NEMP1: variants seen among roughly 807,000 people sequenced by gnomAD.
The protein encoded by NEMP1 is nuclear envelope integral membrane protein 1, also known as transmembrane protein 194.
In NEMP1, 29 loss-of-function variants were observed where a neutral mutation model predicts 53.7. That is an observed-to-expected ratio of 0.54 (90% confidence interval 0.40 to 0.74). The LOEUF (loss-of-function observed/expected upper bound fraction) is 0.74. Among genes scored for constraint, NEMP1 ranks in the 30% least tolerant of loss-of-function variants. The pLI is 0.00. For missense variants in NEMP1, 477 were observed against 528.6 expected (o/e 0.90, Z 0.96); for synonymous variants, 193 against 192.9 (o/e 1.00, Z 0.00).
chr12:57,069,301 C>G lies in NEMP1; in HGVS notation c.478G>C (p.Asp160His). The G allele has an allele frequency of 6.5e-7, 1 of 1,541,898 alleles. No individual in the cohort carries two copies. Among genetic ancestry groups the G allele is most frequent in the Non-Finnish European group, 8.7e-7 (1 of 1,143,768 alleles). ...AGGAAAACAAGAAAGAGTTTGGGATCAAATCCTGAAATAAATAAAGATTTT... is the reference window on the plus strand; with the variant it reads ...AGGAAAACAAGAAAGAGTTTGGGATGAAATCCTGAAATAAATAAAGATTTT... Reference protein sequence around the residue: ...KYSVIVIRRFDPKLFLVFLLG... With the variant: ...KYSVIVIRRFHPKLFLVFLLG... The change falls in exon 4 of 9, where the codon GAT becomes CAT. Residue 160 changes from aspartate (D) to histidine (H), a missense_variant. Transcript: ENST00000300128.
At chr12:57,073,313 G>A (rs979879278) in intron 1 of NEMP1, among the ~76,000 whole-genome samples, 10 of 151,736 alleles carry the variant, frequency 6.6e-5, no homozygotes, top group African/African-American at 1.9e-4. Flanking sequence ...CACCGTGCCC[G>A]GCTAATTTTT....
At chr12:57,062,674 A>G (rs1217323820) in intron 7 of NEMP1, among the ~76,000 whole-genome samples, 2 of 151,526 alleles carry the variant, frequency 1.3e-5, no homozygotes, top group Non-Finnish European at 2.9e-5. Context: ...AACATGGGGA[A>G]CCCTACTAAA....
At chr12:57,081,963 A>G (rs567110210), upstream of NEMP1, among the ~76,000 whole-genome samples, 7 of 151,448 alleles carry the variant, frequency 4.6e-5, no homozygotes, top group African/African-American at 1.2e-4. Context: ...TCACGCCTGT[A>G]ATCCCAGCAC....
intron 1 of NEMP1, among the ~76,000 whole-genome samples, chr12:57,073,548 G>A (rs2032457197): frequency 1.3e-5 from 2 of 152,126 alleles, no homozygotes; most frequent in African/African-American, 4.8e-5. Context: ...AGAGGCTGAG[G>A]CAGGAGAATC....
At chr12:57,086,816 G>C (rs1346790347) in intron 1 of NEMP1, among the ~76,000 whole-genome samples, 1 of 152,208 alleles carries the variant, frequency 6.6e-6, no homozygotes, top group South Asian at 2.1e-4. Flanking sequence ...GAGGAACACA[G>C]ATATACAAGT....
Position 57,063,164 on chromosome 12 carries a change from G to A in NEMP1, c.935C>T (p.Thr312Ile), listed in dbSNP as rs767584140. 2 of 1,614,014 alleles carry A rather than the reference G, an allele frequency of 1.2e-6. No individual in the cohort carries two copies. Among genetic ancestry groups the A allele is most frequent in the Non-Finnish European group, 1.7e-6 (2 of 1,180,028 alleles). The change falls in exon 7 of 9, where the codon ACT (threonine) becomes ATT (isoleucine). Residue 312 changes from threonine (T) to isoleucine (I), a missense_variant. By Grantham distance (89) the Thr-to-Ile change is moderately conservative. Coordinates refer to ENST00000300128, the MANE Select transcript of NEMP1 (RefSeq NM_001130963.2). ...CTGAATAGGGTGTTCCAGGTTCTTAGTACAAAGAGCAATGATGATAATGGC... is the reference window on the plus strand; with the variant it reads ...CTGAATAGGGTGTTCCAGGTTCTTAATACAAAGAGCAATGATGATAATGGC... Reference protein sequence around the residue: ...ALAIIIIALCTKNLEHPIQWL... With the variant: ...ALAIIIIALCIKNLEHPIQWL...
In NEMP1 at chr12:57,063,433, A is replaced by C. The variant is rs541452671; in HGVS notation, c.755-89T>G. On this transcript the variant is annotated intron_variant, in intron 6 of 8. Coordinates refer to ENST00000300128, the MANE Select transcript of NEMP1 (RefSeq NM_001130963.2). ...GGAAGCAGTAGTTAATTTACTATAT[A>C]GCACCAATTGAACTAGGAAATCAGA... 1.2e-4 allele frequency: 115 copies of C among 955,928 alleles called. 1 individual carries two copies. The East Asian group carries it at 1.4e-3, about 12-fold the overall frequency. The allele number at this position is 955,928 out of a possible 1,614,324, so 59.2% of individuals were successfully genotyped here. A position where few individuals can be genotyped will look rare whatever the true frequency, so the allele number is the denominator to read the frequency against.
At chr12:57,084,087 C>T (rs1474122221) in intron 1 of NEMP1, among the ~76,000 whole-genome samples, 2 of 152,196 alleles carry the variant, frequency 1.3e-5, no homozygotes, top group African/African-American at 4.8e-5. Flanking sequence ...CTCCACCTCC[C>T]GAGTAGCTGG....
intron 1 of NEMP1, among the ~76,000 whole-genome samples, chr12:57,084,288 A>T (rs1374568521): frequency 6.6e-6 from 1 of 152,064 alleles, no homozygotes; most frequent in Non-Finnish European, 1.5e-5. Flanking sequence ...TAATTTTTTT[A>T]AATTTAGGAA....
intron 1 of NEMP1, among the ~76,000 whole-genome samples, chr12:57,075,671 AG>A (rs1208509581): frequency 7.3e-5 from 11 of 151,196 alleles, no homozygotes; most frequent in Non-Finnish European, 1.0e-4. Flanking sequence ...AAAAAAAAAA[AG>A]AAAAAAAAAT....
upstream of NEMP1, among the ~76,000 whole-genome samples, chr12:57,080,870 G>A (rs1004861769): frequency 3.4e-5 from 5 of 148,944 alleles, no homozygotes; most frequent in Non-Finnish European, 7.4e-5. Context: ...CAGCCTGGGT[G>A]ACAGAGCGAG....
At chr12:57,077,939 G>A (rs993743543) in intron 1 of NEMP1, among the ~76,000 whole-genome samples, 3 of 152,022 alleles carry the variant, frequency 2.0e-5, no homozygotes, top group Non-Finnish European at 2.9e-5. Flanking sequence ...AAAATTAGCC[G>A]GGCGCGGTGG....
At chr12:57,073,047 A>T in intron 1 of NEMP1, 135 bp from the exon 2 acceptor site, 1 of 684,554 alleles carries the variant, frequency 1.5e-6, no homozygotes, top group East Asian at 2.9e-5. Flanking sequence ...ATAAGAAAAA[A>T]AACTGAGAAG....
upstream of NEMP1, among the ~76,000 whole-genome samples, chr12:57,083,655 G>C (rs755010413): frequency 6.6e-6 from 1 of 152,218 alleles, no homozygotes; most frequent in Non-Finnish European, 1.5e-5. Flanking sequence ...TCATACTGTG[G>C]TAAGTGAAAG....
chr12:57,070,965 T>A, intron 2 of NEMP1, 72 bp from the exon 3 acceptor site: 2 of 1,294,418 alleles, frequency 1.5e-6, no homozygotes, highest in Non-Finnish European at 2.2e-6. Flanking sequence ...TACAATTTTT[T>A]AAAAAACCCT....
At chr12:57,068,111 T>A (rs1258591541) in intron 4 of NEMP1, among the ~76,000 whole-genome samples, 3 of 152,146 alleles carry the variant, frequency 2.0e-5, no homozygotes, top group Middle Eastern at 6.8e-3. Flanking sequence ...CCTCCCTGTT[T>A]CTCTCAGCAT....
chr12:57,077,220 T>C (rs1213761301), intron 1 of NEMP1, among the ~76,000 whole-genome samples: 1 of 150,724 alleles, frequency 6.6e-6, no homozygotes, highest in Non-Finnish European at 1.5e-5. Flanking sequence ...TAGTCCCAGC[T>C]ACTCGGGAGG....
At chr12:57,078,901 C>T, upstream of NEMP1, 1 of 764,160 alleles carries the variant, frequency 1.3e-6, no homozygotes, top group Non-Finnish European at 2.1e-6. Flanking sequence ...CCTATGAGTC[C>T]CGCCCCTTAG....
chr12:57,062,202 G>T (rs2031844045), intron 7 of NEMP1, among the ~76,000 whole-genome samples: 2 of 152,272 alleles, frequency 1.3e-5, no homozygotes, highest in South Asian at 4.1e-4. Context: ...GAAATGGGCT[G>T]GGTGAGGTGG....
Sources: gnomAD v4.1 joint callset for allele counts (sites outside exome capture counted in the v4.1 genomes callset) on GRCh38, gnomAD v4.1.1 for gene constraint, MANE v1.5 for transcripts, NCBI Gene and HGNC (gene_info 2026-07-23, HGNC 2026-07-21) for gene names.